The following LMNTD1 variants were observed in gnomAD, a reference collection of about 807,000 sequenced individuals.
LMNTD1 encodes lamin tail domain containing 1.
In LMNTD1, 35 loss-of-function variants were observed where a neutral mutation model predicts 50.9. That is an observed-to-expected ratio of 0.69 (90% CI 0.53 to 0.91). The LOEUF (loss-of-function observed/expected upper bound fraction) is 0.91, where lower values mean the gene tolerates loss of function less well. Ranked by LOEUF, LMNTD1 falls within the 40% of genes least tolerant of loss-of-function variation. The probability of loss-of-function intolerance (pLI) is 0.00; values close to 1 mark genes in which losing one functional copy is unlikely to be tolerated. For synonymous variants in LMNTD1, 153 were observed against 161.9 expected (o/e 0.94, Z 0.42); for missense variants, 470 against 475.5 (o/e 0.99, Z 0.11).
Position 25,546,468 on chromosome 12 carries a change from C to A in LMNTD1, c.397G>T (p.Asp133Tyr). 1 of 1,599,694 alleles carries A rather than the reference C, an allele frequency of 6.3e-7. No homozygotes were observed. The highest frequency in any genetic ancestry group is 1.1e-5 in the South Asian group (1 of 89,446). Residue 133 changes from aspartate to tyrosine, a missense_variant, in exon 4 of 10, where the codon GAT becomes TAT. By Grantham distance (160) the Asp-to-Tyr change is radical (BLOSUM62 -3). Coordinates refer to ENST00000458174, the MANE Select transcript of LMNTD1 (RefSeq NM_001145728.2). ...GEDYFLSLFG[D>Y]SKKLTAHSNY... ...GAGTGTGCTGTAAGTTTCTTTGAAT[C>A]ACCAAACAAAGAAAGGAAATAATCT... is the stretch of plus-strand genomic sequence containing the variant.
chr12:25,517,276 T>C lies in LMNTD1; in HGVS notation c.1189+1519A>G, dbSNP rs1285577792. ...TGCACACATATGTTTATTGCGGCAC[T>C]ATTCACAATAGCAAAGACTTGGAAT... On this transcript the variant is annotated intron_variant, in intron 8 of 9. Transcript: ENST00000458174. Among the ~76,000 whole-genome samples, 6 of 60,148 alleles carry C rather than the reference T, an allele frequency of 1.0e-4. 2 individuals are homozygous for C. Among genetic ancestry groups the C allele is most frequent in the African/African-American group, 2.5e-4 (6 of 24,392 alleles). The allele number at this position is 60,148 out of a possible 152,430, so 39.5% of individuals were successfully genotyped here. A position where few individuals can be genotyped will look rare whatever the true frequency, so the allele number is the denominator to read the frequency against.
At chr12:25,584,068 T>C (rs1288402745) in intron 1 of LMNTD1, among the ~76,000 whole-genome samples, 1 of 152,148 alleles carries the variant, frequency 6.6e-6, no homozygotes, top group Non-Finnish European at 1.5e-5. Flanking sequence ...ACTCTGGATA[T>C]AGTTTGAAAG....
At chr12:25,525,037 T>C (rs1484196750) in intron 6 of LMNTD1, among the ~76,000 whole-genome samples, 4 of 152,216 alleles carry the variant, frequency 2.6e-5, no homozygotes, top group African/African-American at 4.8e-5. Context: ...CTTGTTAACA[T>C]ATTTTGTTAG....
intron 1 of LMNTD1, among the ~76,000 whole-genome samples, chr12:25,634,700 A>T (rs1490098206): frequency 6.6e-6 from 1 of 152,222 alleles, no homozygotes; most frequent in Non-Finnish European, 1.5e-5. Flanking sequence ...AGCCAACATA[A>T]TACTGAATGA....
In LMNTD1 at chr12:25,584,886, G is replaced by A. The variant is rs141405195; in HGVS notation, c.59-38332C>T. On this transcript the variant is annotated intron_variant, in intron 1 of 7. Coordinates refer to the LMNTD1 transcript ENST00000445693. ...AAATACAAATTTGGTCCTAGAGGTCGTAGATGTGAGTTCTAAAATATTTTA... is the reference window on the plus strand; with the variant it reads ...AAATACAAATTTGGTCCTAGAGGTCATAGATGTGAGTTCTAAAATATTTTA... Among the ~76,000 whole-genome samples, 151 of 152,288 alleles carry A rather than the reference G, an allele frequency of 9.9e-4. 1 individual carries two copies. The East Asian group carries it at 0.018, about 18-fold the overall frequency.
At chr12:25,490,638 G>C (rs7304091) in intron 9 of LMNTD1, among the ~76,000 whole-genome samples, 105,848 of 152,058 alleles carry the variant, frequency 0.7, 37,885 homozygotes, top group Non-Finnish European at 0.79. Context: ...TTTATTTTTG[G>C]ACAGTTATTT....
intron 8 of LMNTD1, among the ~76,000 whole-genome samples, chr12:25,506,979 A>G (rs1038108837): frequency 3.9e-5 from 6 of 152,066 alleles, no homozygotes; most frequent in Non-Finnish European, 7.4e-5. Flanking sequence ...TCCCGGGTTC[A>G]AGCAATTCTT....
In LMNTD1 at chr12:25,546,267, T is replaced by A. The variant is rs188414792; in HGVS notation, c.491+107A>T. ...TTATATTTCAATGAACTGATTAGTG[T>A]TTTAGATAAAATAATGCATATAACT... is the stretch of plus-strand genomic sequence containing the variant. On this transcript the variant is annotated intron_variant, in intron 4 of 9. Coordinates refer to ENST00000458174, the MANE Select transcript of LMNTD1 (RefSeq NM_001145728.2). The A allele has an allele frequency of 1.5e-4, 81 of 553,906 alleles. No individual in the cohort carries two copies. The Middle Eastern group carries it at 2.1e-3, about 14-fold the overall frequency. 34.3% of individuals were successfully genotyped at this position (553,906 alleles called of 1,614,324 possible).
chr12:25,597,045 CA>C (rs767882931), intron 1 of LMNTD1, among the ~76,000 whole-genome samples: 1 of 151,518 alleles, frequency 6.6e-6, no homozygotes, highest in Non-Finnish European at 1.5e-5. Context: ...ACTCTCAAAA[CA>C]AAAAACAGAT....
chr12:25,558,759 A>C (rs919466453), intron 1 of LMNTD1, among the ~76,000 whole-genome samples: 7 of 152,120 alleles, frequency 4.6e-5, no homozygotes, highest in African/African-American at 1.7e-4. Flanking sequence ...CCCTTTATAA[A>C]ACCATCAGAT....
rs150659986 is a variant in LMNTD1 at position 25,520,693 on chromosome 12, T to C, written c.799-618A>G. Among the ~76,000 whole-genome samples, 48 of 152,302 alleles carry C rather than the reference T, an allele frequency of 3.2e-4. No individual in the cohort carries two copies. In the East Asian group the frequency reaches 8.1e-3, roughly 26 times the overall value. ...TGCAGATACCTTTCCAAGGTGGTGA[T>C]TTCATCTTTTTTGGGTATGTACCCA... On this transcript the variant is annotated intron_variant, in intron 6 of 9. Coordinates refer to ENST00000458174, the MANE Select transcript of LMNTD1 (RefSeq NM_001145728.2).
intron 9 of LMNTD1, among the ~76,000 whole-genome samples, chr12:25,477,857 C>T (rs1439462672): frequency 2.6e-5 from 4 of 151,966 alleles, no homozygotes; most frequent in African/African-American, 4.8e-5. Context: ...TTAAGTCACA[C>T]GATCACAAGG....
chr12:25,552,355 ACG>A (rs1481207419), intron 2 of LMNTD1, among the ~76,000 whole-genome samples: 1 of 152,022 alleles, frequency 6.6e-6, no homozygotes, highest in Non-Finnish European at 1.5e-5. Context: ...GCGGTGGCTC[ACG>A]CTTGTAATCC....
chr12:25,602,857 C>T (rs954919007), intron 1 of LMNTD1, among the ~76,000 whole-genome samples: 4 of 152,132 alleles, frequency 2.6e-5, no homozygotes, highest in African/African-American at 9.6e-5. Flanking sequence ...ATGTTAGTTG[C>T]TCTGGTTTTC....
intron 1 of LMNTD1, among the ~76,000 whole-genome samples, chr12:25,573,742 C>T (rs1052812577): frequency 2.0e-5 from 3 of 152,142 alleles, no homozygotes; most frequent in Non-Finnish European, 4.4e-5. Flanking sequence ...TCCTTTTCCT[C>T]GCGGCTTGAT....
At chr12:25,525,713 T>C (rs1275584098) in intron 6 of LMNTD1, among the ~76,000 whole-genome samples, 1 of 151,944 alleles carries the variant, frequency 6.6e-6, no homozygotes, top group Non-Finnish European at 1.5e-5. Flanking sequence ...TCGGGTGAGC[T>C]AAGAGGATGG....
Position 25,493,882 on chromosome 12 carries a change from C to T in LMNTD1, c.*22+9856G>A, listed in dbSNP as rs1297991250. Among the ~76,000 whole-genome samples, 10 of 152,178 alleles carry T rather than the reference C, an allele frequency of 6.6e-5. 1 individual carries two copies. The highest frequency in any genetic ancestry group is 1.3e-4 in the Non-Finnish European group (9 of 68,012). On this transcript the variant is annotated intron_variant, in intron 9 of 9. Coordinates refer to ENST00000458174, the MANE Select transcript of LMNTD1 (RefSeq NM_001145728.2). ...CCATACCCTAAGAAATAGGCAGCTC[C>T]CACTTCCTGTTTCTTAGGCCACTCA...
At chr12:25,622,465 CCG>C (rs770675968) in intron 1 of LMNTD1, among the ~76,000 whole-genome samples, 3,087 of 120,198 alleles carry the variant, frequency 0.026, 146 homozygotes, top group Non-Finnish European at 0.032. Context: ...GTTTGTGAGC[CCG>C]CCCCCCCCCG....
chr12:25,641,611 A>T (rs996788960), intron 1 of LMNTD1, among the ~76,000 whole-genome samples: 1 of 152,206 alleles, frequency 6.6e-6, no homozygotes, highest in African/African-American at 2.4e-5. Flanking sequence ...CTTCAAATAG[A>T]TATACTTTTT....
Sources: allele counts gnomAD v4.1 joint callset (sites outside exome capture counted in the v4.1 genomes callset), GRCh38; gene constraint gnomAD v4.1.1; transcripts MANE v1.5; gene names NCBI Gene and HGNC (gene_info 2026-07-23, HGNC 2026-07-21).